The following GRIK1 variants were observed in gnomAD, a reference collection of about 807,000 sequenced individuals.
The protein encoded by GRIK1 is glutamate receptor ionotropic, kainate 1.
GRIK1 carries 69 observed loss-of-function variants against 105.7 expected under a neutral mutation model. The observed-to-expected ratio is 0.65, with a 90% CI of 0.54 to 0.80. The LOEUF is 0.80. Among genes scored for constraint, GRIK1 ranks in the 30% least tolerant of loss-of-function variants. The pLI is 0.00. For synonymous variants in GRIK1, 438 were observed against 431.3 expected (o/e 1.02, Z -0.19); for missense variants, 1,109 against 1,167.3 (o/e 0.95, Z 0.73).
chr21:29,717,254 T>A (rs2064200821), intron 1 of GRIK1, among the ~76,000 whole-genome samples: 1 of 152,184 alleles, frequency 6.6e-6, no homozygotes, highest in Admixed American at 6.5e-5. Flanking sequence ...AAATACAGGG[T>A]TGGAGCCCCC....
intron 4 of GRIK1, among the ~76,000 whole-genome samples, chr21:29,667,379 G>C (rs975173266): frequency 6.6e-6 from 1 of 152,042 alleles, no homozygotes; most frequent in African/African-American, 2.4e-5. Context: ...GGAAGACCAG[G>C]CATTAAACAA....
rs530068815 is a variant in GRIK1, at chr21:29,880,161, C to CA, written c.118+59221dup. On this transcript the variant is annotated intron_variant, in intron 1 of 17. Transcript: ENST00000327783. ...TAATCAAATATTGAGGTGCTAAACA[C>CA]AAAAAAACCTCAAGTCTATATTATT... Among the ~76,000 whole-genome samples, 608 of 152,042 alleles carry CA rather than the reference C, an allele frequency of 4.0e-3. 5 individuals carry two copies. Among genetic ancestry groups the CA allele is most frequent in the African/African-American group, 0.013 (560 of 41,498 alleles).
chr21:29,669,159 T>C (rs1054779305), intron 4 of GRIK1, among the ~76,000 whole-genome samples: 5 of 152,216 alleles, frequency 3.3e-5, no homozygotes, highest in Non-Finnish European at 7.4e-5. Flanking sequence ...TCAATATGAA[T>C]AGAAATAATT....
At chr21:29,739,877 T>A (rs925914381) in intron 1 of GRIK1, among the ~76,000 whole-genome samples, 1 of 152,242 alleles carries the variant, frequency 6.6e-6, no homozygotes, top group African/African-American at 2.4e-5. Context: ...ACCTTTCTCT[T>A]TGAACTTCTT....
At chr21:29,600,612 G>T (rs1014002949) in intron 7 of GRIK1, among the ~76,000 whole-genome samples, 1 of 152,120 alleles carries the variant, frequency 6.6e-6, no homozygotes, top group South Asian at 2.1e-4. Context: ...AGTTATTTGC[G>T]CCACGTATAT....
chr21:29,826,443 A>G (rs2067459825), intron 1 of GRIK1, among the ~76,000 whole-genome samples: 1 of 152,138 alleles, frequency 6.6e-6, no homozygotes, highest in African/African-American at 2.4e-5. Context: ...ATTATTCTCT[A>G]TAAAGTGGAT....
chr21:29,842,590 T>C (rs987456550), intron 1 of GRIK1, among the ~76,000 whole-genome samples: 1 of 152,222 alleles, frequency 6.6e-6, no homozygotes, highest in Non-Finnish European at 1.5e-5. Flanking sequence ...TTTTCAAATA[T>C]CTTTTCTCAT....
At chr21:29,812,147 A>C (rs1463870010) in intron 1 of GRIK1, among the ~76,000 whole-genome samples, 1 of 152,118 alleles carries the variant, frequency 6.6e-6, no homozygotes, top group Admixed American at 6.6e-5. Flanking sequence ...ATCTTTTTCA[A>C]ATTTTCCCAA....
intron 4 of GRIK1, among the ~76,000 whole-genome samples, chr21:29,656,368 A>G (rs1431244219): frequency 4.1e-5 from 4 of 96,934 alleles, no homozygotes; most frequent in African/African-American, 1.0e-4. Flanking sequence ...AAAAAAAAAA[A>G]AAAAAAAAAA....
At chr21:29,900,004 T>C (rs1323058291) in intron 1 of GRIK1, among the ~76,000 whole-genome samples, 2 of 151,882 alleles carry the variant, frequency 1.3e-5, no homozygotes, top group African/African-American at 4.8e-5. Context: ...ATAAATACAT[T>C]TTCTATGTAA....
Position 29,747,721 on chromosome 21 carries a change from C to T in GRIK1, c.119-53658G>A, listed in dbSNP as rs190331692. Among the ~76,000 whole-genome samples the T allele has an allele frequency of 4.0e-4, 61 of 152,102 alleles. No individual in the cohort carries two copies. The East Asian group carries it at 0.011, about 27-fold the overall frequency. ...GCACGTGCCTGTAGTTCCAGCTACT[C>T]GGGAGGCTGAGGCAGGAGAATCGCT... On this transcript the variant is annotated intron_variant, in intron 1 of 17. Transcript: ENST00000327783.
chr21:29,914,726 C>A (rs972028059), intron 1 of GRIK1, among the ~76,000 whole-genome samples: 1 of 152,016 alleles, frequency 6.6e-6, no homozygotes, highest in Non-Finnish European at 1.5e-5. Context: ...AGATCCTTTC[C>A]CTGCCATGTT....
chr21:29,787,148 T>C (rs1175186720), intron 1 of GRIK1, among the ~76,000 whole-genome samples: 1 of 152,258 alleles, frequency 6.6e-6, no homozygotes, highest in Admixed American at 6.5e-5. Flanking sequence ...GCAAATTCGC[T>C]GTTCAAATGA....
intron 1 of GRIK1, among the ~76,000 whole-genome samples, chr21:29,853,487 C>T (rs2068369618): frequency 6.6e-6 from 1 of 152,200 alleles, no homozygotes; most frequent in Non-Finnish European, 1.5e-5. Flanking sequence ...ACTCAGATAT[C>T]TCTTGGGGGC....
chr21:29,553,556 T>C (rs368349162), intron 16 of GRIK1: 15 of 1,561,446 alleles, frequency 9.6e-6, no homozygotes, highest in Non-Finnish European at 1.0e-5. Context: ...TTAAACTGAT[T>C]ACACAGTATG....
chr21:29,619,123 CAAAAA>C (rs35003722), intron 7 of GRIK1, among the ~76,000 whole-genome samples: 3 of 81,680 alleles, frequency 3.7e-5, no homozygotes, highest in Non-Finnish European at 4.8e-5. Context: ...GAGACTCCGT[CAAAAA>C]AAAAAAAAAA....
intron 12 of GRIK1, among the ~76,000 whole-genome samples, chr21:29,581,867 T>C (rs752953037): frequency 6.6e-6 from 1 of 152,178 alleles, no homozygotes; most frequent in Non-Finnish European, 1.5e-5. Context: ...TAAAGAAAGG[T>C]TCACTCATCC....
intron 1 of GRIK1, among the ~76,000 whole-genome samples, chr21:29,884,495 G>A (rs1220028287): frequency 6.6e-6 from 1 of 151,956 alleles, no homozygotes; most frequent in Non-Finnish European, 1.5e-5. Context: ...AAACAGAAAG[G>A]AAATTACTAA....
intron 2 of GRIK1, among the ~76,000 whole-genome samples, chr21:29,692,512 T>A (rs1281588869): frequency 6.6e-6 from 1 of 152,246 alleles, no homozygotes; most frequent in African/African-American, 2.4e-5. Flanking sequence ...TACCCATTTT[T>A]AAAAAGAAAA....
Sources: allele counts gnomAD v4.1 joint callset (sites outside exome capture counted in the v4.1 genomes callset), GRCh38; gene constraint gnomAD v4.1.1; transcripts MANE v1.5; gene names NCBI Gene and HGNC (gene_info 2026-07-23, HGNC 2026-07-21).